Variants in KIF2C observed in about 807,000 individuals in gnomAD.
The protein encoded by KIF2C is kinesin family member 2C.
In KIF2C, 34 loss-of-function variants were observed where a neutral mutation model predicts 97.4. The observed-to-expected ratio is 0.35, with a 90% CI of 0.27 to 0.46. The LOEUF (loss-of-function observed/expected upper bound fraction) is 0.46. Among genes scored for constraint, KIF2C ranks in the 20% least tolerant of loss-of-function variants. The probability of loss-of-function intolerance (pLI) is 1.00; values close to 1 mark genes in which losing one functional copy is unlikely to be tolerated. For synonymous variants in KIF2C, 313 were observed against 318.2 expected (o/e 0.98, Z 0.17); for missense variants, 750 against 907.6 (o/e 0.83, Z 2.23).
intron 5 of KIF2C, among the ~76,000 whole-genome samples, chr1:44,751,821 CTTTTTTT>C (rs375561958): frequency 1.0e-5 from 1 of 100,100 alleles, no homozygotes; most frequent in Non-Finnish European, 1.8e-5. Context: ...CTTTTTATAC[CTTTTTTT>C]TTTTTTTTTT....
At chr1:44,753,906 G>C in intron 7 of KIF2C, 73 bp downstream of exon 7, 1 of 588,286 alleles carries the variant, frequency 1.7e-6, no homozygotes, top group South Asian at 2.2e-5. Context: ...GGGCAACAGA[G>C]ATACAGTTGG....
At chr1:44,757,465 C>T (rs762080541) in intron 10 of KIF2C, 91 bp from the exon 11 acceptor site, 3 of 827,460 alleles carry the variant, frequency 3.6e-6, no homozygotes, top group African/African-American at 3.4e-5. Context: ...AAGGAGGAAT[C>T]GACCCTAGAA....
chr1:44,752,896 A>G (rs1342094496), intron 5 of KIF2C, among the ~76,000 whole-genome samples: 1 of 152,152 alleles, frequency 6.6e-6, no homozygotes, highest in Non-Finnish European at 1.5e-5. Context: ...CTTCATGTCA[A>G]AGCCCATACT....
In KIF2C at chr1:44,758,041, T is replaced by C; in HGVS notation, c.1133-8T>C. On this transcript the variant is annotated splice_polypyrimidine_tract_variant and splice_region_variant and intron_variant, in intron 12 of 20. Coordinates refer to ENST00000372224, the MANE Select transcript of KIF2C (RefSeq NM_006845.4). Reference sequence around the variant, plus strand: ...AGGTTGTTTGCTTAGCAAAGTTCTCTCCCTCAGCCCGGGACGTCTTCCTCC... The same window carrying C: ...AGGTTGTTTGCTTAGCAAAGTTCTCCCCCTCAGCCCGGGACGTCTTCCTCC... The C allele has an allele frequency of 1.2e-6, 2 of 1,614,148 alleles. No homozygotes were observed. The highest frequency in any genetic ancestry group is 3.3e-5 in the Admixed American group (2 of 60,018).
In KIF2C at chr1:44,756,141, C is replaced by G; in HGVS notation, c.881C>G (p.Pro294Arg). 1.9e-6 allele frequency: 3 copies of G among 1,614,170 alleles called. No individual in the cohort carries two copies. Among genetic ancestry groups the G allele is most frequent in the Non-Finnish European group, 1.7e-6 (2 of 1,180,022 alleles). The change falls in exon 10 of 21, where the codon CCC (proline) becomes CGC (arginine). Residue 294 changes from proline to arginine, a missense_variant. Physicochemically the swap from Pro to Arg is moderately radical, Grantham distance 103 (BLOSUM62 -2). Coordinates refer to ENST00000372224, the MANE Select transcript of KIF2C (RefSeq NM_006845.4). ...AAGTGTCTCCTCTTGGTACATGAAC[C>G]CAAGTTGAAAGTGGACTTAACAAAG... ...PSKCLLLVHEPKLKVDLTKYL... is the reference protein window; with the variant it reads ...PSKCLLLVHERKLKVDLTKYL...
Position 44,760,173 on chromosome 1 carries a change from C to A in KIF2C, c.1368-107C>A. 3 of 973,640 alleles carry A rather than the reference C, an allele frequency of 3.1e-6. No individual in the cohort carries two copies. Among genetic ancestry groups the A allele is most frequent in the South Asian group, 1.5e-5 (1 of 64,644 alleles). 60.3% of individuals were successfully genotyped at this position (973,640 alleles called of 1,614,324 possible). A position where few individuals can be genotyped will look rare whatever the true frequency, so the allele number is the denominator to read the frequency against. Reference sequence around the variant, plus strand: ...GGAAGCCTGGGACAGGAAAACAGGACTTTTTCGCCTCCTAACCTGTGTCCC... The same window carrying A: ...GGAAGCCTGGGACAGGAAAACAGGAATTTTTCGCCTCCTAACCTGTGTCCC... On this transcript the variant is annotated intron_variant, in intron 14 of 20. Coordinates refer to ENST00000372224, the MANE Select transcript of KIF2C (RefSeq NM_006845.4). The surrounding 1 kb of genome is among the most constrained non-coding windows in gnomAD (Gnocchi z 4.2).
At chr1:44,764,169 C>T (rs908488321) in intron 19 of KIF2C, among the ~76,000 whole-genome samples, 3 of 151,682 alleles carry the variant, frequency 2.0e-5, no homozygotes, top group African/African-American at 7.3e-5. Flanking sequence ...AAAATATGTA[C>T]TCTCTCTCTA....
chr1:44,755,423 G>T (rs1649772736), intron 8 of KIF2C, among the ~76,000 whole-genome samples: 1 of 152,096 alleles, frequency 6.6e-6, no homozygotes, highest in Admixed American at 6.6e-5. Flanking sequence ...GTGCCACCAC[G>T]CCTAGGTAAT....
chr1:44,761,931 C>T lies in KIF2C; in HGVS notation c.1699C>T (p.Pro567Ser), dbSNP rs1650164854. The T allele has an allele frequency of 1.2e-6, 2 of 1,614,156 alleles. No individual in the cohort carries two copies. The highest frequency in any genetic ancestry group is 1.1e-5 in the South Asian group (1 of 91,084). ...TCTTTTGCAGATTGCCACGATCTCA[C>T]CAGGCATAAGCTCCTGTGAATATAC... ...SRTCMIATISPGISSCEYTLN... is the reference protein window; with the variant it reads ...SRTCMIATISSGISSCEYTLN... Residue 567 changes from proline to serine, a missense_variant, in exon 17 of 21, where the codon CCA (proline) becomes TCA (serine). Transcript: ENST00000372224.
At position 44,760,750 on chromosome 1, in the gene KIF2C, G is replaced by C. The variant is rs1431412088; in HGVS notation, c.1683+48G>C. 4.8e-6 allele frequency: 7 copies of C among 1,468,694 alleles called. No individual in the cohort carries two copies. 91.0% of individuals were successfully genotyped at this position (1,468,694 alleles called of 1,614,324 possible). On this transcript the variant is annotated intron_variant, in intron 16 of 20. Transcript: ENST00000372224. This position sits in a 1 kb window ranked among gnomAD's most constrained non-coding sequence, Gnocchi z 4.2. Reference sequence around the variant, plus strand: ...TGATGGTACAGGAGGAGACAGAGTTGCTTTCCACAGAGACACTTAGTCCTG... The same window carrying C: ...TGATGGTACAGGAGGAGACAGAGTTCCTTTCCACAGAGACACTTAGTCCTG...
intron 14 of KIF2C, 116 bp downstream of exon 14, chr1:44,759,464 G>A (rs1650026324): frequency 2.4e-6 from 3 of 1,261,982 alleles, no homozygotes; most frequent in Non-Finnish European, 3.4e-6. Flanking sequence ...TTTGGTAAGG[G>A]CTGCGAAGGC....
chr1:44,763,751 G>C (rs975584129), intron 19 of KIF2C, among the ~76,000 whole-genome samples: 2 of 152,074 alleles, frequency 1.3e-5, no homozygotes, highest in African/African-American at 4.8e-5. Context: ...AAAAACTATT[G>C]CCAGCCAGGC....
intron 19 of KIF2C, among the ~76,000 whole-genome samples, chr1:44,762,884 T>C (rs535130877): frequency 2.6e-5 from 4 of 152,324 alleles, no homozygotes; most frequent in African/African-American, 9.6e-5. Context: ...GACATCACAC[T>C]AGCCAGAGCT....
At chr1:44,747,020 C>T (rs542476925) in intron 2 of KIF2C, among the ~76,000 whole-genome samples, 2 of 151,682 alleles carry the variant, frequency 1.3e-5, no homozygotes, top group African/African-American at 2.4e-5. Context: ...GCCTCAGCCT[C>T]GGGGGGGCCA....
In KIF2C at chr1:44,760,438, C is replaced by A; in HGVS notation, c.1526C>A (p.Thr509Asn). The change falls in exon 15 of 21, where the codon ACC becomes AAC. Residue 509 changes from threonine to asparagine, a missense_variant. Transcript: ENST00000372224. The surrounding 1 kb of genome is among the most constrained non-coding windows in gnomAD (Gnocchi z 4.2). The stretch of plus-strand genomic sequence containing the variant: ...GACACTTCCAGTGCTGACCGGCAGA[C>A]CCGCATGGAGGGCGCAGAAATCAAC... ...GADTSSADRQTRMEGAEINKS... is the reference protein window; with the variant it reads ...GADTSSADRQNRMEGAEINKS... 1 of 1,614,194 alleles carries A rather than the reference C, an allele frequency of 6.2e-7. No homozygotes were observed. The highest frequency in any genetic ancestry group is 1.3e-5 in the African/African-American group (1 of 75,038).
Position 44,766,819 on chromosome 1 carries a change from G to A in KIF2C, c.1972-7G>A, listed in dbSNP as rs1650493581. On this transcript the variant is annotated splice_region_variant and splice_polypyrimidine_tract_variant and intron_variant, in intron 19 of 20. Coordinates refer to ENST00000372224, the MANE Select transcript of KIF2C (RefSeq NM_006845.4). Reference sequence around the variant, plus strand: ...ATTGAACTGACAAGGTCCTCCCTGTGTTGTAGCAAGGACCAGACTGGCTTG... The same window carrying A: ...ATTGAACTGACAAGGTCCTCCCTGTATTGTAGCAAGGACCAGACTGGCTTG... The A allele has an allele frequency of 6.2e-7, 1 of 1,614,064 alleles. No individual in the cohort carries two copies. The highest frequency in any genetic ancestry group is 8.5e-7 in the Non-Finnish European group (1 of 1,179,944).
chr1:44,767,246 T>C lies in KIF2C; in HGVS notation c.*67T>C. ...TTCCCTGGCCCTCCCCAGAGAACTT[T>C]GGGTACCTGGTGGGTCTAGGCAGGG... On this transcript the variant is annotated 3_prime_UTR_variant, in exon 21 of 21. Transcript: ENST00000372224. 7.0e-7 allele frequency: 1 copy of C among 1,438,034 alleles called. No individual in the cohort carries two copies. 89.1% of individuals were successfully genotyped at this position (1,438,034 alleles called of 1,614,324 possible). A position where few individuals can be genotyped will look rare whatever the true frequency, so the allele number is the denominator to read the frequency against.
rs781091723 is a variant in KIF2C at position 44,762,643 on chromosome 1, C to G, written c.1956C>G (p.Leu652=). ...RELEEKAMEE[L]KEIIQQGPDW... ...TGGAGGAGAAGGCTATGGAAGAGCT[C>G]AAGGAGATCATACAGGTAGGCAGCT... The change falls in exon 19 of 21, where the codon CTC becomes CTG. Residue 652 remains leucine, a synonymous_variant. Transcript: ENST00000372224. The G allele has an allele frequency of 5.0e-6, 8 of 1,613,232 alleles. No individual in the cohort carries two copies. Among genetic ancestry groups the G allele is most frequent in the Middle Eastern group, 1.7e-4 (1 of 6,030 alleles).
Position 44,750,452 on chromosome 1 carries a change from C to T in KIF2C, c.327C>T (p.Ser109=). The change falls in exon 5 of 21, where the codon AGC becomes AGT. Residue 109 remains serine, a synonymous_variant. Coordinates refer to ENST00000372224, the MANE Select transcript of KIF2C (RefSeq NM_006845.4). ...KIPAPKESLR[S]RSTRMSTVSE... ...CTCTCGGTTCTCCAGGTCTTCGAAG[C>T]CGCTCCACTCGCATGTCCACTGTCT... The T allele has an allele frequency of 1.3e-6, 2 of 1,484,466 alleles. No individual in the cohort carries two copies. The highest frequency in any genetic ancestry group is 1.4e-5 in the South Asian group (1 of 71,908). 92.0% of individuals were successfully genotyped at this position (1,484,466 alleles called of 1,614,324 possible).
Sources: allele counts gnomAD v4.1 joint callset (sites outside exome capture counted in the v4.1 genomes callset), GRCh38; gene constraint gnomAD v4.1.1; non-coding constraint Gnocchi (gnomAD v3.1); transcripts MANE v1.5; gene names NCBI Gene and HGNC (gene_info 2026-07-23, HGNC 2026-07-21).